The following ARL6IP1 variants were observed in gnomAD, a reference collection of about 807,000 sequenced individuals.
ARL6IP1 encodes ADP-ribosylation factor-like protein 6-interacting protein 1.
A neutral mutation model predicts 30.1 loss-of-function variants in ARL6IP1; 16 were observed. That is an observed-to-expected ratio of 0.53 (90% confidence interval 0.36 to 0.81). ARL6IP1 has a LOEUF of 0.81. Ranked by LOEUF, ARL6IP1 falls within the 30% of genes least tolerant of loss-of-function variation. ARL6IP1 has a pLI of 0.01. For synonymous variants in ARL6IP1, 72 were observed against 84.8 expected (o/e 0.85, Z 0.83); for missense variants, 173 against 242.7 (o/e 0.71, Z 1.91).
Position 18,801,515 on chromosome 16 carries a change from T to G in ARL6IP1, c.-49A>C, listed in dbSNP as rs775089988. ...AAGCGCAGGCCACCTCCCCAACGAG[T>G]CCTCCAACCGAAACCCGCACACCAA... On this transcript the variant is annotated 5_prime_UTR_variant, in exon 1 of 6. Coordinates refer to ENST00000304414, the MANE Select transcript of ARL6IP1 (RefSeq NM_015161.3). 1 of 1,600,162 alleles carries G rather than the reference T, an allele frequency of 6.2e-7. No homozygotes were observed. Among genetic ancestry groups the G allele is most frequent in the African/African-American group, 1.3e-5 (1 of 74,720 alleles).
At chr16:18,800,090 A>G (rs1276826938) in intron 1 of ARL6IP1, among the ~76,000 whole-genome samples, 2 of 152,170 alleles carry the variant, frequency 1.3e-5, no homozygotes, top group Non-Finnish European at 2.9e-5. Context: ...AATCTTAACA[A>G]AGACGCTCGC....
rs796439216 is a variant in ARL6IP1, at chr16:18,793,269, C to T, written c.595G>A (p.Glu199Lys). The T allele has an allele frequency of 1.2e-6, 2 of 1,608,816 alleles. No homozygotes were observed. Among genetic ancestry groups the T allele is most frequent in the Middle Eastern group, 1.9e-4 (1 of 5,242 alleles). The change falls in exon 6 of 6, where the codon GAA becomes AAA. Residue 199 changes from glutamate (E) to lysine (K), a missense_variant. Transcript: ENST00000304414. ...REINKLLKQK[E>K]KKNE ...CAGATGAATCATTCGTTTTTCTTTT[C>T]TTTTTGTTTGAGAAGTTTGTTTATC...
chr16:18,793,711 G>A (rs1013193153), intron 5 of ARL6IP1, among the ~76,000 whole-genome samples: 8 of 147,076 alleles, frequency 5.4e-5, no homozygotes, highest in African/African-American at 1.5e-4. Context: ...GATTACGGGC[G>A]TGAGCCACCA....
rs540627798 is a variant in ARL6IP1, at chr16:18,793,387, A to C, written c.494-17T>G. 157 of 1,469,260 alleles carry C rather than the reference A, an allele frequency of 1.1e-4. No individual in the cohort carries two copies. The highest frequency in any genetic ancestry group is 1.2e-4 in the South Asian group (10 of 81,952). 91.0% of individuals were successfully genotyped at this position (1,469,260 alleles called of 1,614,324 possible). A position where few individuals can be genotyped will look rare whatever the true frequency, so the allele number is the denominator to read the frequency against. On this transcript the variant is annotated splice_polypyrimidine_tract_variant and intron_variant, in intron 5 of 5. Coordinates refer to ENST00000304414, the MANE Select transcript of ARL6IP1 (RefSeq NM_015161.3). ...AGGAAGTCACTTAAAATAAAAAAAAACCCAACATTAAGGAGGCAGCAATTA... is the reference window on the plus strand; with the variant it reads ...AGGAAGTCACTTAAAATAAAAAAAACCCCAACATTAAGGAGGCAGCAATTA...
Position 18,795,577 on chromosome 16 carries a change from T to C in ARL6IP1, c.295A>G (p.Thr99Ala). The part of the protein sequence containing the change: ...PRIFGSNKWT[T>A]EQQQRFHEIC... The stretch of plus-strand genomic sequence containing the variant: ...TCATGGAATCTTTGCTGTTGTTCAG[T>C]GGTCCTAGAAAAGAAATTTGCCTTT... The change falls in exon 4 of 6, where the codon ACT (threonine) becomes GCT (alanine). Residue 99 changes from threonine (T) to alanine (A), a missense_variant. Transcript: ENST00000304414. The C allele has an allele frequency of 1.2e-6, 2 of 1,612,342 alleles. No individual in the cohort carries two copies. Among genetic ancestry groups the C allele is most frequent in the Non-Finnish European group, 1.7e-6 (2 of 1,179,470 alleles).
chr16:18,796,491 TCTG>T (rs2030235658), intron 3 of ARL6IP1, among the ~76,000 whole-genome samples: 2 of 152,352 alleles, frequency 1.3e-5, no homozygotes, highest in South Asian at 2.1e-4. Flanking sequence ...ATAAACAAAA[TCTG>T]CTCTATCAAT....
At chr16:18,795,292 A>G in intron 4 of ARL6IP1, 172 bp downstream of exon 4, 1 of 478,644 alleles carries the variant, frequency 2.1e-6, no homozygotes, top group Non-Finnish European at 3.7e-6. Flanking sequence ...AAATGCAAAA[A>G]TGTAATTTTT....
rs1290846455 is a variant in ARL6IP1 at position 18,791,675 on chromosome 16, C to A, written c.*1577G>T. 3 of 152,086 alleles carry A rather than the reference C, an allele frequency of 2.0e-5. No individual in the cohort carries two copies. Among genetic ancestry groups the A allele is most frequent in the Non-Finnish European group, 1.5e-5 (1 of 68,014 alleles). The allele number at this position is 152,086 out of a possible 1,614,324, so 9.4% of individuals were successfully genotyped here. ...ATAAAGAAAGTGAGACATGAAGATT[C>A]CAGCTTTTTTTATTTTTTCCCCTTT... On this transcript the variant is annotated 3_prime_UTR_variant, in exon 6 of 6. Transcript: ENST00000304414.
Position 18,793,231 on chromosome 16 carries a change from A to G in ARL6IP1, c.*21T>C. ...CGGGGCAATGGGTGCTGCATTAATC[A>G]CACTGATTAAAGCAGATGAATCATT... On this transcript the variant is annotated 3_prime_UTR_variant, in exon 6 of 6. Coordinates refer to ENST00000304414, the MANE Select transcript of ARL6IP1 (RefSeq NM_015161.3). 1.3e-6 allele frequency: 2 copies of G among 1,526,872 alleles called. No individual in the cohort carries two copies. Among genetic ancestry groups the G allele is most frequent in the Non-Finnish European group, 1.8e-6 (2 of 1,105,420 alleles). The allele number at this position is 1,526,872 out of a possible 1,614,324, so 94.6% of individuals were successfully genotyped here. A position where few individuals can be genotyped will look rare whatever the true frequency, so the allele number is the denominator to read the frequency against.
chr16:18,796,080 A>T (rs1391889800), intron 3 of ARL6IP1, among the ~76,000 whole-genome samples: 1 of 152,226 alleles, frequency 6.6e-6, no homozygotes, highest in African/African-American at 2.4e-5. Flanking sequence ...ATGACAAGGC[A>T]GCAATAAACA....
chr16:18,800,055 A>G (rs892947687), intron 1 of ARL6IP1, among the ~76,000 whole-genome samples: 1 of 152,218 alleles, frequency 6.6e-6, no homozygotes, highest in Non-Finnish European at 1.5e-5. Flanking sequence ...ACTGGAAATC[A>G]TGCAAATGAC....
chr16:18,799,458 C>A (rs962069310), intron 1 of ARL6IP1, among the ~76,000 whole-genome samples: 1 of 152,194 alleles, frequency 6.6e-6, no homozygotes, highest in East Asian at 1.9e-4. Flanking sequence ...AAATGGTTTA[C>A]TTTCTCAAAG....
chr16:18,794,039 C>A (rs2030155858), intron 5 of ARL6IP1, among the ~76,000 whole-genome samples: 1 of 152,144 alleles, frequency 6.6e-6, no homozygotes, highest in South Asian at 2.1e-4. Context: ...GTAACCTCCA[C>A]CTCCTGGGTT....
Position 18,798,797 on chromosome 16 carries a change from C to A in ARL6IP1, c.74G>T (p.Gly25Val). 1 of 1,614,196 alleles carries A rather than the reference C, an allele frequency of 6.2e-7. No individual in the cohort carries two copies. Among genetic ancestry groups the A allele is most frequent in the Non-Finnish European group, 8.5e-7 (1 of 1,180,040 alleles). ...ETASLEEQLQ[G>V]WGEVMLMADK... ...AGCCATCAGCATCACTTCTCCCCATCCTTGCAGCTGTTCTTCCAGACTTGC... is the reference window on the plus strand; with the variant it reads ...AGCCATCAGCATCACTTCTCCCCATACTTGCAGCTGTTCTTCCAGACTTGC... Residue 25 changes from glycine to valine, a missense_variant, in exon 2 of 6, where the codon GGA (glycine) becomes GTA (valine). By Grantham distance (109) the Gly-to-Val change is moderately radical (BLOSUM62 -3). Transcript: ENST00000304414.
Position 18,794,691 on chromosome 16 carries a change from T to C in ARL6IP1, c.409-8A>G, listed in dbSNP as rs1358548578. 2 of 1,605,770 alleles carry C rather than the reference T, an allele frequency of 1.2e-6. No homozygotes were observed. Among genetic ancestry groups the C allele is most frequent in the South Asian group, 1.1e-5 (1 of 89,850 alleles). ...GATCATGGTCATGAAGTACTAGCAA[T>C]GAAAACAAGAATTTAATATCAAAAC... is the stretch of plus-strand genomic sequence containing the variant. On this transcript the variant is annotated splice_polypyrimidine_tract_variant and splice_region_variant and intron_variant, in intron 4 of 5. Coordinates refer to ENST00000304414, the MANE Select transcript of ARL6IP1 (RefSeq NM_015161.3).
chr16:18,801,517 C>A lies in ARL6IP1; in HGVS notation c.-51G>T. ...GCGCAGGCCACCTCCCCAACGAGTC[C>A]TCCAACCGAAACCCGCACACCAACC... On this transcript the variant is annotated 5_prime_UTR_variant, in exon 1 of 6. The change creates a new upstream start codon in the 5' untranslated region. Coordinates refer to ENST00000304414, the MANE Select transcript of ARL6IP1 (RefSeq NM_015161.3). 2 of 1,599,780 alleles carry A rather than the reference C, an allele frequency of 1.3e-6. No homozygotes were observed. The highest frequency in any genetic ancestry group is 1.7e-6 in the Non-Finnish European group (2 of 1,174,296).
chr16:18,798,261 G>A (rs541834910), intron 2 of ARL6IP1: 37 of 420,124 alleles, frequency 8.8e-5, no homozygotes, highest in African/African-American at 7.4e-4. Flanking sequence ...AAGCTCTTTG[G>A]AGTTCTCAGC....
intron 4 of ARL6IP1, 162 bp downstream of exon 4, chr16:18,795,302 T>A (rs964011336): frequency 6.1e-6 from 3 of 488,744 alleles, no homozygotes; most frequent in African/African-American, 5.9e-5. Flanking sequence ...ATGTAATTTT[T>A]AACTTTAAAA....
rs550631917 is a variant in ARL6IP1, at chr16:18,798,470, A to T, written c.170+231T>A. 3.2e-5 allele frequency: 15 copies of T among 461,560 alleles called. No individual in the cohort carries two copies. The South Asian group carries it at 5.9e-4, about 18-fold the overall frequency. 28.6% of individuals were successfully genotyped at this position (461,560 alleles called of 1,614,324 possible). A position where few individuals can be genotyped will look rare whatever the true frequency, so the allele number is the denominator to read the frequency against. ...ACAAAAAAAGAGTTTAAGTGTCTGGAGGACAAAAAGTTTGCGAGTCACTGA... is the reference window on the plus strand; with the variant it reads ...ACAAAAAAAGAGTTTAAGTGTCTGGTGGACAAAAAGTTTGCGAGTCACTGA... On this transcript the variant is annotated intron_variant, in intron 2 of 5. Coordinates refer to ENST00000304414, the MANE Select transcript of ARL6IP1 (RefSeq NM_015161.3).
Sources: allele counts gnomAD v4.1 joint callset (sites outside exome capture counted in the v4.1 genomes callset), GRCh38; gene constraint gnomAD v4.1.1; transcripts MANE v1.5; gene names NCBI Gene and HGNC (gene_info 2026-07-23, HGNC 2026-07-21).